ZNF513: variants seen among roughly 807,000 people sequenced by gnomAD.
ZNF513 encodes zinc finger protein 513.
In ZNF513, 16 loss-of-function variants were observed where a neutral mutation model predicts 39.7. That is an observed-to-expected ratio of 0.40 (90% CI 0.27 to 0.61). ZNF513 has a LOEUF of 0.61. Among genes scored for constraint, ZNF513 ranks in the 20% least tolerant of loss-of-function variants. The pLI is 0.39. For synonymous variants in ZNF513, 348 were observed against 296.5 expected (o/e 1.17, Z -1.79); for missense variants, 699 against 743.6 (o/e 0.94, Z 0.70).
rs1278420748 is a variant in ZNF513 at position 27,378,725 on chromosome 2, C to T, written c.541G>A (p.Gly181Ser). Reference sequence around the variant, plus strand: ...TGGGCTGAGGCGTAGGGGCAGCGGCCACAGCGGAACGGCTTCTCTCCGCTG... The same window carrying T: ...TGGGCTGAGGCGTAGGGGCAGCGGCTACAGCGGAACGGCTTCTCTCCGCTG... ...THSGEKPFRC[G>S]RCPYASAQLV... is the part of the protein sequence containing the mutation. Residue 181 changes from glycine to serine, a missense_variant, in exon 3 of 4, where the codon GGC (glycine) becomes AGC (serine). By Grantham distance (56) the Gly-to-Ser change is moderately conservative. This residue lies in a region of ZNF513 where 530 missense variants were observed against 499.3 expected (regional missense o/e 1.06). Transcript: ENST00000323703. This position sits in a 1 kb window ranked among gnomAD's most constrained non-coding sequence, Gnocchi z 8.0. 2 of 1,613,848 alleles carry T rather than the reference C, an allele frequency of 1.2e-6. No homozygotes were observed. The highest frequency in any genetic ancestry group is 1.7e-6 in the Non-Finnish European group (2 of 1,179,964).
intron 2 of ZNF513, 30 bp downstream of exon 2, chr2:27,380,063 C>G (rs2148415010): frequency 6.2e-7 from 1 of 1,613,826 alleles, no homozygotes; most frequent in Non-Finnish European, 8.5e-7. Flanking sequence ...CCAGCGGCCG[C>G]TAATCCTTAA....
rs1184190595 is a variant in ZNF513 at position 27,377,543 on chromosome 2, G to A, written c.*2C>T. 1.2e-6 allele frequency: 2 copies of A among 1,613,920 alleles called. No individual in the cohort carries two copies. Among genetic ancestry groups the A allele is most frequent in the Non-Finnish European group, 1.7e-6 (2 of 1,180,026 alleles). On this transcript the variant is annotated 3_prime_UTR_variant, in exon 4 of 4. Transcript: ENST00000323703. This position sits in a 1 kb window ranked among gnomAD's most constrained non-coding sequence, Gnocchi z 4.4. Reference sequence around the variant, plus strand: ...ATAAAACATGGGGAAGAAGGACCTAGTTCAGGATGAGTCTGTGTGGACAGC... The same window carrying A: ...ATAAAACATGGGGAAGAAGGACCTAATTCAGGATGAGTCTGTGTGGACAGC...
rs775760607 is a variant in ZNF513, at chr2:27,378,969, ACT to A, written c.295_296del (p.Ser99Ter). 1 of 1,610,490 alleles carries A rather than the reference ACT, an allele frequency of 6.2e-7. No homozygotes were observed. Among genetic ancestry groups the A allele is most frequent in the Non-Finnish European group, 8.5e-7 (1 of 1,178,972 alleles). ...GACCCCTGGCTGGCTCCTCAACTTCACTCTCCGCACTTAGTGCCCGGCCGCCC... is the reference window on the plus strand; with the variant it reads ...GACCCCTGGCTGGCTCCTCAACTTCACTCCGCACTTAGTGCCCGGCCGCCC... ...SGGGRALSAE[S>X]EVEEPARGPG... On this transcript the variant is annotated frameshift_variant, in exon 3 of 4. Coordinates refer to ENST00000323703, the MANE Select transcript of ZNF513 (RefSeq NM_144631.6). LOFTEE classifies it high-confidence loss of function. The surrounding 1 kb of genome is among the most constrained non-coding windows in gnomAD (Gnocchi z 8.0).
In ZNF513 at chr2:27,378,301, C is replaced by T. The variant is rs1683441640; in HGVS notation, c.870G>A (p.Gly290=). ...PGGASFLPDC[G]QLRGEGEGLC... ...GGCCCTCCCCTTCACCCCGCAGCTG[C>T]CCACAGTCTGGCAGGAAACTGGCAC... The change falls in exon 4 of 4, where the codon GGG becomes GGA. Residue 290 remains glycine, a synonymous_variant. Coordinates refer to ENST00000323703, the MANE Select transcript of ZNF513 (RefSeq NM_144631.6). The surrounding 1 kb of genome is among the most constrained non-coding windows in gnomAD (Gnocchi z 8.0). 1.2e-6 allele frequency: 2 copies of T among 1,601,004 alleles called. No individual in the cohort carries two copies. The highest frequency in any genetic ancestry group is 1.7e-6 in the Non-Finnish European group (2 of 1,179,964).
In ZNF513 at chr2:27,380,266, C is replaced by T. The variant is rs1336862896; in HGVS notation, c.56-18G>A. The T allele has an allele frequency of 1.9e-6, 3 of 1,613,712 alleles. No individual in the cohort carries two copies. The highest frequency in any genetic ancestry group is 2.7e-5 in the African/African-American group (2 of 74,898). ...AGTATCCACTGAAGAGGGGAGGGGG[C>T]TTGTGGATTCTCCCTCAGGAACCAG... On this transcript the variant is annotated intron_variant, in intron 1 of 3. Transcript: ENST00000323703.
Position 27,377,830 on chromosome 2 carries a change from G to T in ZNF513, c.1341C>A (p.Ser447Arg), listed in dbSNP as rs201381989. 2 of 1,614,194 alleles carry T rather than the reference G, an allele frequency of 1.2e-6. No individual in the cohort carries two copies. Among genetic ancestry groups the T allele is most frequent in the African/African-American group, 1.3e-5 (1 of 75,052 alleles). ...TCTGGTTGCAGCTGTAGTTGCAAAG[G>T]CTACACCGAAAAGGTTTGTCACCAG... is the stretch of plus-strand genomic sequence containing the variant. The part of the protein sequence containing the change: ...IHSGDKPFRC[S>R]LCNYSCNQSM... The change falls in exon 4 of 4, where the codon AGC becomes AGA. Residue 447 changes from serine to arginine, a missense_variant. Around this residue, in one of 3 missense-constraint regions of ZNF513, gnomAD observed 98 missense variants for 180.2 expected, o/e 0.54. Coordinates refer to ENST00000323703, the MANE Select transcript of ZNF513 (RefSeq NM_144631.6). The surrounding 1 kb of genome is among the most constrained non-coding windows in gnomAD (Gnocchi z 4.4).
At chr2:27,380,417 C>T (rs915957246) in intron 1 of ZNF513, 55 bp downstream of exon 1, 2 of 1,576,614 alleles carry the variant, frequency 1.3e-6, no homozygotes, top group Non-Finnish European at 8.6e-7. Context: ...TGACCTGAGC[C>T]CACTCCACTG....
At position 27,380,660 on chromosome 2, in the gene ZNF513, G is replaced by C. The variant is rs1056294845; in HGVS notation, c.-134C>G. The C allele has an allele frequency of 1.5e-6, 2 of 1,299,730 alleles. No homozygotes were observed. Among genetic ancestry groups the C allele is most frequent in the South Asian group, 4.8e-5 (2 of 41,602 alleles). The allele number at this position is 1,299,730 out of a possible 1,614,324, so 80.5% of individuals were successfully genotyped here. On this transcript the variant is annotated 5_prime_UTR_variant, in exon 1 of 4. Coordinates refer to ENST00000323703, the MANE Select transcript of ZNF513 (RefSeq NM_144631.6). The stretch of plus-strand genomic sequence containing the variant: ...CATGCAGCGGCGCGGGCCCTGGGCA[G>C]CCCCCGGCCCTGGCCCCGGCGCCCA...
At chr2:27,379,365 TGAGAC>T (rs1392762415) in intron 2 of ZNF513, among the ~76,000 whole-genome samples, 2 of 152,258 alleles carry the variant, frequency 1.3e-5, no homozygotes, top group East Asian at 3.9e-4. Flanking sequence ...AATTAATTCT[TGAGAC>T]AAGAAAGTAA....
Position 27,380,111 on chromosome 2 carries a change from A to AG in ZNF513, c.192dup (p.Phe65LeufsTer24). ...AACCCACCTTCCGAGTCTCTCTCGA[A>AG]GCCCATGAGCTGGTCACTGTTGCCG... On this transcript the variant is annotated frameshift_variant, in exon 2 of 4. Coordinates refer to ENST00000323703, the MANE Select transcript of ZNF513 (RefSeq NM_144631.6). LOFTEE classifies it high-confidence loss of function. 6.2e-7 allele frequency: 1 copy of AG among 1,614,094 alleles called. No homozygotes were observed. The highest frequency in any genetic ancestry group is 8.5e-7 in the Non-Finnish European group (1 of 1,180,002).
In ZNF513 at chr2:27,378,375, T is replaced by C. The variant is rs755177667; in HGVS notation, c.800-4A>G. 1.2e-6 allele frequency: 2 copies of C among 1,605,514 alleles called. No individual in the cohort carries two copies. Among genetic ancestry groups the C allele is most frequent in the South Asian group, 2.2e-5 (2 of 91,064 alleles). The stretch of plus-strand genomic sequence containing the variant: ...AAATCTGGAAGGAGCAGAGCATCTG[T>C]GGGGACAAAGACCTGGGCTATGAAT... On this transcript the variant is annotated splice_polypyrimidine_tract_variant and splice_region_variant and intron_variant, in intron 3 of 3. Coordinates refer to ENST00000323703, the MANE Select transcript of ZNF513 (RefSeq NM_144631.6). This position sits in a 1 kb window ranked among gnomAD's most constrained non-coding sequence, Gnocchi z 8.0.
At position 27,377,384 on chromosome 2, in the gene ZNF513, A is replaced by C. The variant is rs763506609; in HGVS notation, c.*161T>G. 42 of 781,880 alleles carry C rather than the reference A, an allele frequency of 5.4e-5. 1 individual carries two copies. The highest frequency in any genetic ancestry group is 1.0e-4 in the Admixed American group (5 of 50,144). 48.4% of individuals were successfully genotyped at this position (781,880 alleles called of 1,614,324 possible). A position where few individuals can be genotyped will look rare whatever the true frequency, so the allele number is the denominator to read the frequency against. On this transcript the variant is annotated 3_prime_UTR_variant, in exon 4 of 4. Transcript: ENST00000323703. This position sits in a 1 kb window ranked among gnomAD's most constrained non-coding sequence, Gnocchi z 4.4. ...TCTCACTGAGCTCGTGAAGTGCCTC[A>C]GTCAAGGCAAGGTCCCCTGGTCCAT...
chr2:27,380,439 G>A (rs775559703), intron 1 of ZNF513, 33 bp downstream of exon 1: 24 of 1,386,344 alleles, frequency 1.7e-5, no homozygotes, highest in Admixed American at 2.4e-5. Flanking sequence ...CCCCACCCCC[G>A]CTCCTCTCCC....
chr2:27,377,849 T>A lies in ZNF513; in HGVS notation c.1322A>T (p.Asp441Val). The change falls in exon 4 of 4, where the codon GAC becomes GTC. Residue 441 changes from aspartate (D) to valine (V), a missense_variant. Asp to Val is a radical substitution (Grantham distance 152). This residue lies in a region of ZNF513 where 98 missense variants were observed against 180.2 expected (regional missense o/e 0.54). Transcript: ENST00000323703. The surrounding 1 kb of genome is among the most constrained non-coding windows in gnomAD (Gnocchi z 4.4). ...GCAAAGGCTACACCGAAAAGGTTTG[T>A]CACCAGAGTGGATGCGACCATGACG... ...LKRHGRIHSG[D>V]KPFRCSLCNY... 1.2e-6 allele frequency: 2 copies of A among 1,614,214 alleles called. No homozygotes were observed. Among genetic ancestry groups the A allele is most frequent in the Non-Finnish European group, 1.7e-6 (2 of 1,180,034 alleles).
Position 27,380,692 on chromosome 2 carries a change from G to A in ZNF513, c.-166C>T. On this transcript the variant is annotated 5_prime_UTR_variant, in exon 1 of 4. Transcript: ENST00000323703. ...GCCCTGGCCCCGGCGCCCAGCTCAG[G>A]CCGCTCCCGCCGCCGCCGCCGCTTC... 1.7e-6 allele frequency: 2 copies of A among 1,171,280 alleles called. No homozygotes were observed. The highest frequency in any genetic ancestry group is 2.1e-6 in the Non-Finnish European group (2 of 933,216). 72.6% of individuals were successfully genotyped at this position (1,171,280 alleles called of 1,614,324 possible).
At chr2:27,379,968 C>T in intron 2 of ZNF513, 125 bp downstream of exon 2, 1 of 1,308,308 alleles carries the variant, frequency 7.6e-7, no homozygotes, top group Non-Finnish European at 1.1e-6. Flanking sequence ...AGTCATCTAG[C>T]TCAAATGTAA....
chr2:27,380,360 A>G (rs1683563219), intron 1 of ZNF513, 112 bp from the exon 2 acceptor site: 2 of 1,599,522 alleles, frequency 1.3e-6, no homozygotes, highest in East Asian at 4.5e-5. Flanking sequence ...GTGGGAAGCT[A>G]GGAGTCTGGA....
rs767656315 is a variant in ZNF513, at chr2:27,377,511, C to T, written c.*34G>A. The T allele has an allele frequency of 1.1e-5, 17 of 1,610,134 alleles. No individual in the cohort carries two copies. Among genetic ancestry groups the T allele is most frequent in the East Asian group, 6.7e-5 (3 of 44,860 alleles). On this transcript the variant is annotated 3_prime_UTR_variant, in exon 4 of 4. Coordinates refer to ENST00000323703, the MANE Select transcript of ZNF513 (RefSeq NM_144631.6). This position sits in a 1 kb window ranked among gnomAD's most constrained non-coding sequence, Gnocchi z 4.4. ...GGGGAGAAAAAGGTGGCTTCTGGTC[C>T]GTCTGTATAAAACATGGGGAAGAAG...
rs551666112 is a variant in ZNF513 at position 27,377,593 on chromosome 2, T to C, written c.1578A>G (p.Pro526=). ...PPSVLSSRGP[P]ALGTAGSRAV... ...CCCGGCTGCCAGCAGTCCCCAGGGC[T>C]GGTGGGCCCCGAGAGCTCAAAACAG... The change falls in exon 4 of 4, where the codon CCA becomes CCG. Residue 526 remains proline, a synonymous_variant. Transcript: ENST00000323703. This position sits in a 1 kb window ranked among gnomAD's most constrained non-coding sequence, Gnocchi z 4.4. 21 of 1,614,076 alleles carry C rather than the reference T, an allele frequency of 1.3e-5. No homozygotes were observed. In the East Asian group the frequency reaches 3.8e-4, roughly 29 times the overall value.
Sources: allele counts gnomAD v4.1 joint callset (sites outside exome capture counted in the v4.1 genomes callset), GRCh38; gene constraint gnomAD v4.1.1; regional missense constraint gnomAD v4.1.1; non-coding constraint Gnocchi (gnomAD v3.1); transcripts MANE v1.5; gene names NCBI Gene and HGNC (gene_info 2026-07-23, HGNC 2026-07-21).